SLX9: variants seen among roughly 807,000 people sequenced by gnomAD.
SLX9 encodes SLX9 ribosome biogenesis factor, also known as ribosome biogenesis protein SLX9 homolog.
In SLX9, 19 loss-of-function variants were observed where a neutral mutation model predicts 20.8. The observed-to-expected ratio is 0.91, with a 90% confidence interval of 0.64 to 1.34. The LOEUF is 1.34. Among genes scored for constraint, SLX9 ranks in the 40% most tolerant of loss-of-function variants. SLX9 has a pLI of 0.00. For missense variants in SLX9, 299 were observed against 322.2 expected, an observed-to-expected ratio of 0.93 and a Z score of 0.55; for synonymous variants, 113 against 137.1, an observed-to-expected ratio of 0.82 and a Z score of 1.23.
At chr21:44,953,845 G>A (rs549586833) in intron 2 of SLX9, among the ~76,000 whole-genome samples, 4 of 152,292 alleles carry the variant, frequency 2.6e-5, no homozygotes, top group South Asian at 4.1e-4. Flanking sequence ...TACTTTCCTC[G>A]CTGCAAACCT....
intron 4 of SLX9, 40 bp from the exon 5 acceptor site, chr21:44,973,157 A>G: frequency 6.2e-7 from 1 of 1,611,508 alleles, no homozygotes; most frequent in Non-Finnish European, 8.5e-7. Context: ...TGTTTAGGGG[A>G]TGCTGGATGC....
Position 44,940,184 on chromosome 21 carries a change from A to C in SLX9, c.127A>C (p.Lys43Gln). 1 of 1,260,690 alleles carries C rather than the reference A, an allele frequency of 7.9e-7. No individual in the cohort carries two copies. Among genetic ancestry groups the C allele is most frequent in the Non-Finnish European group, 1.0e-6 (1 of 999,600 alleles). 78.1% of individuals were successfully genotyped at this position (1,260,690 alleles called of 1,614,324 possible). Residue 43 changes from lysine (K) to glutamine (Q), a missense_variant and splice_region_variant, in exon 1 of 6, where the codon AAG becomes CAG. Lys to Gln is a moderately conservative substitution (Grantham distance 53). Coordinates refer to ENST00000291634, the MANE Select transcript of SLX9 (RefSeq NM_058190.4). ...ATPPPASAAG[K>Q]DWAFINTNIF... ...CCCTCCGCCGGCCTCGGCCGCGGGG[A>C]AGGTGAGCTGGGGAGGCGCTGGCCG... is the stretch of plus-strand genomic sequence containing the variant.
chr21:44,973,132 C>G, intron 4 of SLX9, 65 bp from the exon 5 acceptor site: 3 of 1,584,246 alleles, frequency 1.9e-6, no homozygotes, highest in Non-Finnish European at 1.7e-6. Context: ...GAGCCAGCCT[C>G]TGCCCACGGG....
intron 4 of SLX9, chr21:44,969,274 C>T (rs12106389): frequency 0.62 from 281,776 of 454,962 alleles, 91,164 homozygotes; most frequent in South Asian, 0.77. Flanking sequence ...AGCGGCCGCC[C>T]GGAGTGGCGA....
chr21:44,948,441 A>G (rs376861873), intron 2 of SLX9, among the ~76,000 whole-genome samples: 2 of 152,138 alleles, frequency 1.3e-5, no homozygotes, highest in East Asian at 1.9e-4. Context: ...GGAGCTGGTC[A>G]TGGAGCACGC....
At chr21:44,951,999 G>A (rs1281391988) in intron 2 of SLX9, among the ~76,000 whole-genome samples, 1 of 145,770 alleles carries the variant, frequency 6.9e-6, no homozygotes, top group Non-Finnish European at 1.5e-5. Context: ...GGCGGCGACT[G>A]GGTACACGTG....
chr21:44,967,264 G>A (rs1326760822), intron 4 of SLX9, 83 bp downstream of exon 4: 16 of 1,483,058 alleles, frequency 1.1e-5, no homozygotes, highest in South Asian at 5.5e-5. Context: ...TGGGAGCCAC[G>A]GGCCACGGTG....
chr21:44,960,816 G>A (rs1232656840), intron 3 of SLX9, among the ~76,000 whole-genome samples: 1 of 152,196 alleles, frequency 6.6e-6, no homozygotes, highest in Non-Finnish European at 1.5e-5. Context: ...CTTATTTTTC[G>A]TGATGCTGGA....
intron 1 of SLX9, among the ~76,000 whole-genome samples, chr21:44,942,879 C>T (rs555642071): frequency 6.6e-6 from 1 of 152,216 alleles, no homozygotes; most frequent in African/African-American, 2.4e-5. Flanking sequence ...ATGTCACTTA[C>T]CTTCTGGTGT....
chr21:44,945,559 A>T (rs1224161799), intron 2 of SLX9, among the ~76,000 whole-genome samples: 1 of 152,052 alleles, frequency 6.6e-6, no homozygotes, highest in South Asian at 2.1e-4. Context: ...TAATTTAGGG[A>T]GACGTCACGC....
At chr21:44,946,500 G>C (rs1246371649) in intron 2 of SLX9, among the ~76,000 whole-genome samples, 1 of 152,246 alleles carries the variant, frequency 6.6e-6, no homozygotes, top group Non-Finnish European at 1.5e-5. Flanking sequence ...GGCCTGGGGA[G>C]GCACTTAGTG....
In SLX9 at chr21:44,976,893, T is replaced by A; in HGVS notation, c.*90T>A. 1 of 1,503,060 alleles carries A rather than the reference T, an allele frequency of 6.7e-7. No individual in the cohort carries two copies. The highest frequency in any genetic ancestry group is 8.9e-7 in the Non-Finnish European group (1 of 1,123,656). The allele number at this position is 1,503,060 out of a possible 1,614,324, so 93.1% of individuals were successfully genotyped here. ...CTCAAGGACCATGGCCTGAGCCTGG[T>A]GGACGCCCTTCCCTCTGGTCGGTTG... On this transcript the variant is annotated 3_prime_UTR_variant, in exon 6 of 6. Coordinates refer to ENST00000291634, the MANE Select transcript of SLX9 (RefSeq NM_058190.4).
At chr21:44,944,650 G>A (rs1359430106) in intron 2 of SLX9, among the ~76,000 whole-genome samples, 1 of 152,242 alleles carries the variant, frequency 6.6e-6, no homozygotes, top group Non-Finnish European at 1.5e-5. Flanking sequence ...CATAGGTTGG[G>A]GAGGGAGAGG....
At chr21:44,951,786 C>T (rs1391893551) in intron 2 of SLX9, among the ~76,000 whole-genome samples, 3 of 152,262 alleles carry the variant, frequency 2.0e-5, no homozygotes, top group South Asian at 2.1e-4. Flanking sequence ...AATCACTAAC[C>T]GGGGCGGGGC....
rs575232927 is a variant in SLX9, at chr21:44,972,564, C to A, written c.501-633C>A. Among the ~76,000 whole-genome samples the A allele has an allele frequency of 9.8e-5, 15 of 152,326 alleles. No individual in the cohort carries two copies. The East Asian group carries it at 2.9e-3, about 29-fold the overall frequency. On this transcript the variant is annotated intron_variant, in intron 4 of 5. Coordinates refer to ENST00000291634, the MANE Select transcript of SLX9 (RefSeq NM_058190.4). Reference sequence around the variant, plus strand: ...GACTGCAGTGCTCGTTGGCACCCCCCGCAGGTGCAGGCAGGGCAGGATCTA... The same window carrying A: ...GACTGCAGTGCTCGTTGGCACCCCCAGCAGGTGCAGGCAGGGCAGGATCTA...
intron 3 of SLX9, among the ~76,000 whole-genome samples, chr21:44,961,632 T>G (rs1407064957): frequency 6.6e-6 from 1 of 152,248 alleles, no homozygotes; most frequent in Admixed American, 6.5e-5. Flanking sequence ...AATCTTCATA[T>G]GTTAGTTGCC....
At chr21:44,949,532 A>G (rs1050959074) in intron 2 of SLX9, among the ~76,000 whole-genome samples, 3 of 152,158 alleles carry the variant, frequency 2.0e-5, no homozygotes, top group South Asian at 2.1e-4. Context: ...GCAGCAGGCC[A>G]GAGCGCACCA....
At chr21:44,967,524 C>T (rs2085060635) in intron 4 of SLX9, among the ~76,000 whole-genome samples, 1 of 152,186 alleles carries the variant, frequency 6.6e-6, no homozygotes, top group African/African-American at 2.4e-5. Context: ...TGTTCTGCCA[C>T]AGCCTCCACC....
chr21:44,974,683 G>A (rs546353988), intron 5 of SLX9, among the ~76,000 whole-genome samples: 7 of 152,240 alleles, frequency 4.6e-5, no homozygotes, highest in Non-Finnish European at 8.8e-5. Context: ...CTCCTGCCTC[G>A]GCCTCCTGAG....
Sources: allele counts gnomAD v4.1 joint callset (sites outside exome capture counted in the v4.1 genomes callset), GRCh38; gene constraint gnomAD v4.1.1; transcripts MANE v1.5; gene names NCBI Gene and HGNC (gene_info 2026-07-23, HGNC 2026-07-21).